The following XNDC1N variants were observed in gnomAD, a reference collection of about 807,000 sequenced individuals.
XNDC1N encodes the protein protein XNDC1N.
the XNDC1N span, among the ~76,000 whole-genome samples, chr11:71,905,084 T>A: frequency 1.3e-5 from 2 of 151,998 alleles, no homozygotes; most frequent in Non-Finnish European, 1.5e-5. Context: ...CTGACCGTGA[T>A]ATTAGGAGTC....
At chr11:71,928,279 C>T in the XNDC1N span, 4 of 582,740 alleles carry the variant, frequency 6.9e-6, no homozygotes, top group Non-Finnish European at 1.2e-5. Flanking sequence ...TCATCGGGAA[C>T]AGGCTGCTCA....
chr11:71,866,379 G>GT, the XNDC1N span, among the ~76,000 whole-genome samples: 2 of 152,074 alleles, frequency 1.3e-5, no homozygotes, highest in African/African-American at 4.8e-5. Context: ...AGAAGGCCAT[G>GT]TTTACTGTAT....
chr11:71,891,006 G>A, the XNDC1N span, among the ~76,000 whole-genome samples: 1 of 151,962 alleles, frequency 6.6e-6, no homozygotes, highest in Non-Finnish European at 1.5e-5. Flanking sequence ...GATGTTGGGA[G>A]TGAAATTTTC....
chr11:71,891,934 T>G, the XNDC1N span, among the ~76,000 whole-genome samples: 1 of 151,836 alleles, frequency 6.6e-6, no homozygotes, highest in African/African-American at 2.4e-5. Flanking sequence ...GTAACATCAT[T>G]CTCTCCACCT....
the XNDC1N span, among the ~76,000 whole-genome samples, chr11:71,907,303 C>T: frequency 6.6e-6 from 1 of 151,886 alleles, no homozygotes; most frequent in East Asian, 1.9e-4. Flanking sequence ...GTAATATCAC[C>T]CCCTCTCCCC....
chr11:71,905,944 T>C, the XNDC1N span, among the ~76,000 whole-genome samples: 1 of 152,040 alleles, frequency 6.6e-6, no homozygotes, highest in African/African-American at 2.4e-5. Flanking sequence ...GTACACCACC[T>C]GTGACATTAG....
chr11:71,890,975 G>A, the XNDC1N span, among the ~76,000 whole-genome samples: 1 of 152,036 alleles, frequency 6.6e-6, no homozygotes, highest in Non-Finnish European at 1.5e-5. Flanking sequence ...CAACATCACA[G>A]GAGGGGTGTA....
the XNDC1N span, among the ~76,000 whole-genome samples, chr11:71,873,625 T>A: frequency 1.3e-5 from 2 of 152,092 alleles, no homozygotes; most frequent in African/African-American, 2.4e-5. Flanking sequence ...GCAATGGTAA[T>A]AGTAAAAACA....
chr11:71,880,147 A>C, the XNDC1N span, among the ~76,000 whole-genome samples: 1 of 152,214 alleles, frequency 6.6e-6, no homozygotes, highest in Non-Finnish European at 1.5e-5. Context: ...GCCTCAGAAA[A>C]GATAAATAAG....
chr11:71,922,523 G>C, the XNDC1N span, among the ~76,000 whole-genome samples: 1 of 151,994 alleles, frequency 6.6e-6, no homozygotes, highest in African/African-American at 2.4e-5. Flanking sequence ...GGCTGTTCTT[G>C]AACTCCTGGG....
the XNDC1N span, among the ~76,000 whole-genome samples, chr11:71,881,671 G>A: frequency 6.6e-6 from 1 of 151,952 alleles, no homozygotes; most frequent in African/African-American, 2.4e-5. Context: ...ATTACATTCT[G>A]AGATACTAAA....
the XNDC1N span, chr11:71,884,319 G>T: frequency 3.7e-6 from 5 of 1,357,460 alleles, no homozygotes; most frequent in South Asian, 2.0e-5. Flanking sequence ...GTTCTGTAAT[G>T]CTTTTAATTT....
At chr11:71,870,849 C>T in the XNDC1N span, among the ~76,000 whole-genome samples, 8 of 152,186 alleles carry the variant, frequency 5.3e-5, no homozygotes, top group South Asian at 1.5e-3. Flanking sequence ...CTCACACCTG[C>T]TAGAATGGCT....
the XNDC1N span, among the ~76,000 whole-genome samples, chr11:71,912,273 G>A: frequency 1.3e-5 from 2 of 152,128 alleles, no homozygotes; most frequent in Non-Finnish European, 2.9e-5. Context: ...AAGTGTGGAG[G>A]TAAAAAGTAT....
the XNDC1N span, among the ~76,000 whole-genome samples, chr11:71,922,699 T>C: frequency 3.9e-5 from 6 of 152,124 alleles, no homozygotes; most frequent in Non-Finnish European, 7.4e-5. Context: ...ATGCAAATAA[T>C]ATTGCTACAA....
the XNDC1N span, among the ~76,000 whole-genome samples, chr11:71,912,446 T>C: frequency 0.86 from 131,170 of 152,062 alleles, 56,889 homozygotes; most frequent in Non-Finnish European, 0.91. Context: ...GATACCACAG[T>C]GCGGGTATAC....
At chr11:71,896,951 T>G in the XNDC1N span, among the ~76,000 whole-genome samples, 4 of 152,208 alleles carry the variant, frequency 2.6e-5, no homozygotes, top group South Asian at 8.3e-4. Context: ...ACATGATTTT[T>G]CACGAGTGCT....
the XNDC1N span, chr11:71,916,154 G>C: frequency 1.4e-6 from 1 of 702,990 alleles, no homozygotes; most frequent in Non-Finnish European, 2.6e-6. Flanking sequence ...CACACCCGTA[G>C]AAAGGCCAGG....
the XNDC1N span, among the ~76,000 whole-genome samples, chr11:71,887,633 G>T: frequency 0.03 from 4,582 of 150,812 alleles, no homozygotes; most frequent in East Asian, 0.066. Context: ...AGCCCTTCAA[G>T]GTATCCAGGT....
Sources: allele counts gnomAD v4.1 joint callset (sites outside exome capture counted in the v4.1 genomes callset), GRCh38; gene constraint gnomAD v4.1.1; transcripts MANE v1.5; gene names NCBI Gene and HGNC (gene_info 2026-07-23, HGNC 2026-07-21).